INPP5A: variants seen among roughly 807,000 people sequenced by gnomAD.
INPP5A encodes 43 kDa inositol polyphosphate 5-phophatase.
In INPP5A, 14 loss-of-function variants were observed where a neutral mutation model predicts 65.2. That is an observed-to-expected ratio of 0.21 (90% confidence interval 0.14 to 0.34). INPP5A has a LOEUF of 0.34. Among genes scored for constraint, INPP5A ranks in the 10% least tolerant of loss-of-function variants. The pLI, the probability that INPP5A is intolerant of heterozygous loss-of-function variation, is 1.00. For missense variants in INPP5A, 431 were observed against 545.6 expected, an observed-to-expected ratio of 0.79 and a Z score of 2.09; for synonymous variants, 207 against 208.3, an observed-to-expected ratio of 0.99 and a Z score of 0.05.
At chr10:132,724,108 G>A (rs1425953190) in intron 8 of INPP5A, among the ~76,000 whole-genome samples, 1 of 151,772 alleles carries the variant, frequency 6.6e-6, no homozygotes, top group African/African-American at 2.4e-5. Context: ...TGAAAGAACT[G>A]TCAACAAGAA....
At position 132,627,199 on chromosome 10, in the gene INPP5A, A is replaced by G. The variant is rs761712804; in HGVS notation, c.118-18669A>G. ...TTGGCCTCAGACTGACAGCTCCAGA[A>G]CTGGGAGAAATACGTGTCTCGTTTA... On this transcript the variant is annotated intron_variant, in intron 2 of 15. Coordinates refer to ENST00000368594, the MANE Select transcript of INPP5A (RefSeq NM_005539.5). This position sits in a 1 kb window ranked among gnomAD's most constrained non-coding sequence, Gnocchi z 6.6. 2.6e-5 allele frequency among the ~76,000 whole-genome samples: 4 copies of G among 152,180 alleles called. No individual in the cohort carries two copies. Among genetic ancestry groups the G allele is most frequent in the Non-Finnish European group, 5.9e-5 (4 of 68,028 alleles).
At chr10:132,602,364 C>T (rs1394145909) in intron 1 of INPP5A, among the ~76,000 whole-genome samples, 2 of 152,314 alleles carry the variant, frequency 1.3e-5, no homozygotes, top group Non-Finnish European at 2.9e-5. Context: ...GACACAGTCT[C>T]GGCTCACTGC....
chr10:132,660,195 A>G (rs577426009), intron 4 of INPP5A, among the ~76,000 whole-genome samples: 88 of 152,362 alleles, frequency 5.8e-4, no homozygotes, highest in African/African-American at 2.0e-3. Flanking sequence ...TGACGGGGAA[A>G]GATAGTAGAA....
chr10:132,588,734 G>A (rs2071578698), intron 1 of INPP5A, among the ~76,000 whole-genome samples: 1 of 152,240 alleles, frequency 6.6e-6, no homozygotes, highest in African/African-American at 2.4e-5. Context: ...GGAAGGAAAT[G>A]AGTTGACGTT....
chr10:132,683,171 A>T (rs1422069672), intron 4 of INPP5A, among the ~76,000 whole-genome samples: 2 of 145,160 alleles, frequency 1.4e-5, no homozygotes, highest in Admixed American at 6.9e-5. Context: ...ATACATATGT[A>T]TGCACGTTTA....
Position 132,657,864 on chromosome 10 carries a change from G to A in INPP5A, c.306+7359G>A, listed in dbSNP as rs562016784. Among the ~76,000 whole-genome samples, 53 of 152,354 alleles carry A rather than the reference G, an allele frequency of 3.5e-4. 2 individuals are homozygous for A. The South Asian group carries it at 0.011, about 32-fold the overall frequency. Reference sequence around the variant, plus strand: ...GGGGGCAAGACAGTCCTGATGAAGTGAGAGGGGGCGAGATTGGTTTTCTGA... The same window carrying A: ...GGGGGCAAGACAGTCCTGATGAAGTAAGAGGGGGCGAGATTGGTTTTCTGA... On this transcript the variant is annotated intron_variant, in intron 4 of 15. Coordinates refer to ENST00000368594, the MANE Select transcript of INPP5A (RefSeq NM_005539.5).
chr10:132,610,497 A>G (rs899959901), intron 2 of INPP5A, among the ~76,000 whole-genome samples: 2 of 152,244 alleles, frequency 1.3e-5, no homozygotes, highest in African/African-American at 2.4e-5. Context: ...GCCCTGGGAC[A>G]TGTGACCTGA....
intron 8 of INPP5A, among the ~76,000 whole-genome samples, chr10:132,717,720 T>C: frequency 7.0e-6 from 1 of 143,396 alleles, no homozygotes; most frequent in Admixed American, 6.9e-5. Context: ...GGGTTCTGTC[T>C]GGGCGCCTTA....
chr10:132,781,568 C>T (rs970204975), intron 14 of INPP5A, among the ~76,000 whole-genome samples: 25 of 152,222 alleles, frequency 1.6e-4, no homozygotes, highest in African/African-American at 5.8e-4. Flanking sequence ...CCTATTTAGC[C>T]ATTCTTTTAC....
chr10:132,541,959 G>A (rs1177637140), intron 1 of INPP5A, among the ~76,000 whole-genome samples: 1 of 152,246 alleles, frequency 6.6e-6, no homozygotes, highest in African/African-American at 2.4e-5. Flanking sequence ...GGTTTGCTTG[G>A]AAAGAGGTGA....
intron 12 of INPP5A, among the ~76,000 whole-genome samples, chr10:132,771,671 C>CGG (rs1249645455): frequency 1.6e-4 from 18 of 111,992 alleles, no homozygotes; most frequent in African/African-American, 6.7e-4. Flanking sequence ...AAGAGTGGGA[C>CGG]AGACACTCAG....
chr10:132,656,522 A>G (rs1222036463), intron 4 of INPP5A, among the ~76,000 whole-genome samples: 4 of 152,058 alleles, frequency 2.6e-5, no homozygotes, highest in African/African-American at 4.8e-5. Context: ...GCTGCACAGG[A>G]CCCCAGCTGG....
At position 132,586,836 on chromosome 10, in the gene INPP5A, C is replaced by T. The variant is rs576143134; in HGVS notation, c.76-21079C>T. Among the ~76,000 whole-genome samples, 261 of 152,274 alleles carry T rather than the reference C, an allele frequency of 1.7e-3. 1 individual carries two copies. The highest frequency in any genetic ancestry group is 5.9e-3 in the African/African-American group (245 of 41,550). ...ATGCATGTCAGGAGGCGGCGCAGCG[C>T]GGCGAGGCCACGGTTCTCTCCTGCG... On this transcript the variant is annotated intron_variant, in intron 1 of 15. Coordinates refer to ENST00000368594, the MANE Select transcript of INPP5A (RefSeq NM_005539.5).
intron 11 of INPP5A, among the ~76,000 whole-genome samples, chr10:132,761,119 G>A (rs964509689): frequency 3.9e-5 from 6 of 152,212 alleles, no homozygotes; most frequent in South Asian, 4.1e-4. Context: ...GTTCGACCTC[G>A]ACTCCCTGGT....
chr10:132,708,237 C>G, intron 6 of INPP5A, 76 bp from the exon 7 acceptor site: 1 of 1,312,366 alleles, frequency 7.6e-7, no homozygotes, highest in Admixed American at 1.7e-5. Flanking sequence ...CTCCTGTGTC[C>G]TTTAGGTGTG....
At chr10:132,731,748 C>T (rs563672136) in intron 9 of INPP5A, among the ~76,000 whole-genome samples, 4 of 152,260 alleles carry the variant, frequency 2.6e-5, no homozygotes, top group South Asian at 2.1e-4. Context: ...TCCTCCAGTG[C>T]GGGTTTCCTC....
Position 132,698,773 on chromosome 10 carries a change from C to T in INPP5A, c.474+854C>T, listed in dbSNP as rs928568661. Among the ~76,000 whole-genome samples the T allele has an allele frequency of 6.6e-6, 1 of 152,240 alleles. No individual in the cohort carries two copies. Among genetic ancestry groups the T allele is most frequent in the Non-Finnish European group, 1.5e-5 (1 of 68,046 alleles). On this transcript the variant is annotated intron_variant, in intron 6 of 15. Transcript: ENST00000368594. The surrounding 1 kb of genome is among the most constrained non-coding windows in gnomAD (Gnocchi z 5.5). The stretch of plus-strand genomic sequence containing the variant: ...TATAGGAGCTCTCGTCCGGACTTGT[C>T]TGCGCAGGCAGCCCCAAGAAGGATT...
At chr10:132,765,485 C>T (rs981353207) in intron 11 of INPP5A, among the ~76,000 whole-genome samples, 3 of 152,210 alleles carry the variant, frequency 2.0e-5, no homozygotes, top group Admixed American at 6.5e-5. Flanking sequence ...GGGGCTGCCA[C>T]GGCAGTGCCC....
intron 4 of INPP5A, among the ~76,000 whole-genome samples, chr10:132,656,333 G>A (rs937408584): frequency 6.6e-6 from 1 of 152,220 alleles, no homozygotes; most frequent in Non-Finnish European, 1.5e-5. Context: ...CCTTTTAATG[G>A]CTTAAAGTTG....
Sources: gnomAD v4.1 joint callset for allele counts (sites outside exome capture counted in the v4.1 genomes callset) on GRCh38, gnomAD v4.1.1 for gene constraint, Gnocchi (gnomAD v3.1) non-coding constraint, MANE v1.5 for transcripts, NCBI Gene and HGNC (gene_info 2026-07-23, HGNC 2026-07-21) for gene names.